Variants in ZNF280D observed in about 807,000 individuals in gnomAD.
ZNF280D encodes the protein suppressor of hairy wing homolog 4.
In ZNF280D, 39 loss-of-function variants were observed where a neutral mutation model predicts 94.7. That is an observed-to-expected ratio of 0.41 (90% CI 0.32 to 0.54). The LOEUF (loss-of-function observed/expected upper bound fraction) is 0.54, where lower values mean the gene tolerates loss of function less well. Ranked by LOEUF, ZNF280D falls within the 20% of genes least tolerant of loss-of-function variation. ZNF280D has a pLI of 0.22. For missense variants in ZNF280D, 1,090 were observed against 1,149.3 expected (o/e 0.95, Z 0.75); for synonymous variants, 398 against 377.6 (o/e 1.05, Z -0.63).
At chr15:56,682,870 T>C (rs553973833) in intron 9 of ZNF280D, among the ~76,000 whole-genome samples, 2 of 152,098 alleles carry the variant, frequency 1.3e-5, no homozygotes, top group Non-Finnish European at 2.9e-5. Flanking sequence ...GATGTATATA[T>C]TTAATTATCA....
At chr15:56,705,729 G>T (rs967012420) in intron 3 of ZNF280D, among the ~76,000 whole-genome samples, 7 of 151,968 alleles carry the variant, frequency 4.6e-5, no homozygotes, top group African/African-American at 1.7e-4. Flanking sequence ...TCAATATCAT[G>T]CAATTCAAGA....
At chr15:56,680,770 C>T (rs2055563226) in intron 10 of ZNF280D, among the ~76,000 whole-genome samples, 1 of 152,178 alleles carries the variant, frequency 6.6e-6, no homozygotes, top group African/African-American at 2.4e-5. Context: ...AACCACCATG[C>T]CCAGCCCCAT....
intron 8 of ZNF280D, 65 bp from the exon 9 acceptor site, chr15:56,689,215 A>G: frequency 1.3e-6 from 2 of 1,553,816 alleles, no homozygotes; most frequent in Non-Finnish European, 1.7e-6. Context: ...ATAACCACTA[A>G]TAATACTTTT....
chr15:56,711,523 G>A (rs1266268739), intron 1 of ZNF280D, among the ~76,000 whole-genome samples: 5 of 151,962 alleles, frequency 3.3e-5, no homozygotes, highest in African/African-American at 1.2e-4. Flanking sequence ...AAATTAGCCG[G>A]GCATGGTGGA....
chr15:56,665,484 G>T (rs1270063978), intron 16 of ZNF280D, among the ~76,000 whole-genome samples: 1 of 152,030 alleles, frequency 6.6e-6, no homozygotes, highest in South Asian at 2.1e-4. Flanking sequence ...TAAGTTGAAT[G>T]AATTAATGAA....
intron 16 of ZNF280D, among the ~76,000 whole-genome samples, chr15:56,660,753 G>A (rs1474893361): frequency 6.6e-6 from 1 of 151,988 alleles, no homozygotes; most frequent in Non-Finnish European, 1.5e-5. Context: ...TCTAAAAATA[G>A]GTGAATTTTA....
Position 56,630,666 on chromosome 15 carries a change from A to G in ZNF280D, c.*832T>C, listed in dbSNP as rs2052040008. 1 of 152,164 alleles carries G rather than the reference A, an allele frequency of 6.6e-6. No individual in the cohort carries two copies. Among genetic ancestry groups the G allele is most frequent in the Admixed American group, 6.6e-5 (1 of 15,262 alleles). The allele number at this position is 152,164 out of a possible 1,614,324, so 9.4% of individuals were successfully genotyped here. A position where few individuals can be genotyped will look rare whatever the true frequency, so the allele number is the denominator to read the frequency against. On this transcript the variant is annotated 3_prime_UTR_variant, in exon 22 of 22. Transcript: ENST00000267807. Reference sequence around the variant, plus strand: ...GCCTATTTCTAAGGAAGATCATTAAAACAATATTAAAAGCATAATAGCTAC... The same window carrying G: ...GCCTATTTCTAAGGAAGATCATTAAGACAATATTAAAAGCATAATAGCTAC...
intron 16 of ZNF280D, among the ~76,000 whole-genome samples, chr15:56,662,572 T>G (rs1161266020): frequency 6.6e-6 from 1 of 151,898 alleles, no homozygotes; most frequent in South Asian, 2.1e-4. Context: ...ATGCCTGTAA[T>G]CCAGCACTTT....
At chr15:56,681,662 A>T (rs2055628014) in intron 10 of ZNF280D, among the ~76,000 whole-genome samples, 2 of 152,266 alleles carry the variant, frequency 1.3e-5, no homozygotes, top group South Asian at 4.1e-4. Flanking sequence ...CAACTGAACG[A>T]TTATGAAGTA....
intron 16 of ZNF280D, among the ~76,000 whole-genome samples, chr15:56,659,066 T>G (rs1354116719): frequency 6.6e-6 from 1 of 151,304 alleles, no homozygotes; most frequent in Non-Finnish European, 1.5e-5. Context: ...TGTTGCCCAG[T>G]TGGAATCAAA....
At chr15:56,681,998 T>C (rs2055650298) in intron 10 of ZNF280D, among the ~76,000 whole-genome samples, 1 of 151,920 alleles carries the variant, frequency 6.6e-6, no homozygotes, top group Admixed American at 6.6e-5. Flanking sequence ...AAAAAAGAAG[T>C]TCATTTTGTC....
chr15:56,654,064 A>G (rs1238281319), intron 19 of ZNF280D, 134 bp downstream of exon 19: 1 of 1,503,242 alleles, frequency 6.7e-7, no homozygotes, highest in African/African-American at 1.4e-5. Flanking sequence ...CTATTTCAAC[A>G]AGCAGCTTTA....
chr15:56,666,095 C>T (rs2054269535), intron 16 of ZNF280D, among the ~76,000 whole-genome samples: 1 of 152,112 alleles, frequency 6.6e-6, no homozygotes, highest in Admixed American at 6.6e-5. Context: ...GATGCCACTG[C>T]ACTCCAGCCT....
chr15:56,641,724 G>A (rs1038554821), intron 20 of ZNF280D, among the ~76,000 whole-genome samples: 2 of 151,746 alleles, frequency 1.3e-5, no homozygotes, highest in South Asian at 4.2e-4. Flanking sequence ...ACAGTGGCTT[G>A]TATACCCCTG....
intron 4 of ZNF280D, among the ~76,000 whole-genome samples, chr15:56,702,253 A>C (rs2057125282): frequency 1.3e-5 from 2 of 152,198 alleles, no homozygotes; most frequent in Admixed American, 6.6e-5. Flanking sequence ...TCAGAAATTC[A>C]GGATTAAATA....
chr15:56,682,479 T>TAAAA lies in ZNF280D; in HGVS notation c.781-3_781-2insTTTT. The TAAAA allele has an allele frequency of 1.0e-6, 1 of 982,250 alleles. No individual in the cohort carries two copies. Among genetic ancestry groups the TAAAA allele is most frequent in the Non-Finnish European group, 1.4e-6 (1 of 727,162 alleles). The allele number at this position is 982,250 out of a possible 1,614,324, so 60.8% of individuals were successfully genotyped here. ...ATTTATCATGTCTGGACAACAATAC[T>TAAAA]GAAAGAGAAAAAAAAAAAAAAAAAA... On this transcript the variant is annotated splice_region_variant and splice_polypyrimidine_tract_variant and intron_variant, in intron 9 of 21. Transcript: ENST00000267807.
At chr15:56,662,830 C>CA (rs577795987) in intron 16 of ZNF280D, among the ~76,000 whole-genome samples, 675 of 50,438 alleles carry the variant, frequency 0.013, 5 homozygotes, top group South Asian at 0.031. Flanking sequence ...GACTCTGTCT[C>CA]AAAAAAAAAA....
Position 56,689,411 on chromosome 15 carries a change from T to G in ZNF280D, c.559A>C (p.Asn187His), listed in dbSNP as rs1386534784. 3 of 1,595,532 alleles carry G rather than the reference T, an allele frequency of 1.9e-6. No individual in the cohort carries two copies. The highest frequency in any genetic ancestry group is 2.6e-6 in the Non-Finnish European group (3 of 1,170,880). ...RPSTSEVNNV[N>H]PKKPKPSESV... ...TCGCTGGGTTTAGGCTTCTTTGGAT[T>G]AACATTATTTACTTCAGAAGTAGAA... Residue 187 changes from asparagine to histidine, a missense_variant, in exon 8 of 22, where the codon AAT becomes CAT. Transcript: ENST00000267807.
intron 3 of ZNF280D, among the ~76,000 whole-genome samples, chr15:56,705,359 G>A (rs1245221657): frequency 2.0e-5 from 3 of 151,940 alleles, no homozygotes; most frequent in Non-Finnish European, 2.9e-5. Flanking sequence ...TTTATACCAC[G>A]TCTTCTACCT....
Sources: gnomAD v4.1 joint callset for allele counts (sites outside exome capture counted in the v4.1 genomes callset) on GRCh38, gnomAD v4.1.1 for gene constraint, MANE v1.5 for transcripts, NCBI Gene and HGNC (gene_info 2026-07-23, HGNC 2026-07-21) for gene names.